RPTOR: variants seen among roughly 807,000 people sequenced by gnomAD.
The protein encoded by RPTOR is regulatory associated protein of MTOR complex 1, also known as regulatory-associated protein of mTOR.
RPTOR carries 21 observed loss-of-function variants against 169.9 expected under a neutral mutation model. The observed-to-expected ratio is 0.12, with a 90% confidence interval of 0.09 to 0.18. The LOEUF (loss-of-function observed/expected upper bound fraction) is 0.18, where lower values mean the gene tolerates loss of function less well. Ranked by LOEUF, RPTOR falls within the 10% of genes least tolerant of loss-of-function variation. RPTOR has a pLI of 1.00. For missense variants in RPTOR, 1,133 were observed against 1,855.9 expected, an observed-to-expected ratio of 0.61 and a Z score of 7.16; for synonymous variants, 732 against 753.2, an observed-to-expected ratio of 0.97 and a Z score of 0.46.
intron 2 of RPTOR, 69 bp from the exon 3 acceptor site, chr17:80,643,659 T>G (rs2065570501): frequency 6.0e-6 from 7 of 1,166,340 alleles, no homozygotes; most frequent in Non-Finnish European, 8.8e-6. Flanking sequence ...GGAGAAACTG[T>G]GGAAGAGAGG....
At chr17:80,962,280 C>T (rs931775712) in intron 31 of RPTOR, among the ~76,000 whole-genome samples, 181 bp from the exon 32 acceptor site, 1 of 152,224 alleles carries the variant, frequency 6.6e-6, no homozygotes, top group Admixed American at 6.5e-5. Flanking sequence ...AGTATGGGTG[C>T]ATGTCTGGGC....
At chr17:80,713,510 A>C (rs2066214016) in intron 4 of RPTOR, among the ~76,000 whole-genome samples, 1 of 152,142 alleles carries the variant, frequency 6.6e-6, no homozygotes, top group Non-Finnish European at 1.5e-5. Context: ...CTTTTTCACA[A>C]GTTTTTGTCA....
intron 3 of RPTOR, among the ~76,000 whole-genome samples, chr17:80,685,650 T>TTTA (rs1567856833): frequency 2.8e-4 from 26 of 93,222 alleles, no homozygotes; most frequent in East Asian, 1.5e-3. Flanking sequence ...TTTTTTTTTT[T>TTTA]TTTTTTTGCT....
chr17:80,690,178 T>C (rs2065978688), intron 3 of RPTOR, among the ~76,000 whole-genome samples: 1 of 152,188 alleles, frequency 6.6e-6, no homozygotes, highest in Admixed American at 6.6e-5. Context: ...AGCTGCCAGT[T>C]CCAGTCTCCT....
At chr17:80,656,147 C>T (rs1015531929) in intron 3 of RPTOR, among the ~76,000 whole-genome samples, 17 of 152,266 alleles carry the variant, frequency 1.1e-4, no homozygotes, top group East Asian at 5.8e-4. Context: ...CTCGGCTCAC[C>T]GCAACCTCTG....
rs747448542 is a variant in RPTOR, at chr17:80,962,590, C to T, written c.3809+13C>T. 3.1e-6 allele frequency: 5 copies of T among 1,605,070 alleles called. No homozygotes were observed. The South Asian group carries it at 4.4e-5, about 14-fold the overall frequency. ...ACCTGATCGCATGGTAGGCGCCACCCACCTCCCTGGCCTGCACCGCTCACC... is the reference window on the plus strand; with the variant it reads ...ACCTGATCGCATGGTAGGCGCCACCTACCTCCCTGGCCTGCACCGCTCACC... On this transcript the variant is annotated intron_variant, in intron 32 of 33. Transcript: ENST00000306801.
chr17:80,911,314 G>A (rs1259391704), intron 21 of RPTOR, among the ~76,000 whole-genome samples: 2 of 152,150 alleles, frequency 1.3e-5, no homozygotes, highest in Non-Finnish European at 2.9e-5. Flanking sequence ...CCAGCTGCAC[G>A]GGCACCTGGA....
intron 20 of RPTOR, among the ~76,000 whole-genome samples, chr17:80,908,388 T>C (rs1186769926): frequency 2.0e-5 from 3 of 152,138 alleles, no homozygotes; most frequent in African/African-American, 7.2e-5. Flanking sequence ...TGGGTCACAG[T>C]GCACAGCAGC....
chr17:80,901,934 C>T (rs547881680), intron 20 of RPTOR, among the ~76,000 whole-genome samples: 3 of 152,158 alleles, frequency 2.0e-5, no homozygotes, highest in Non-Finnish European at 4.4e-5. Flanking sequence ...TTCCTTTGAT[C>T]GCTGATGGAG....
At chr17:80,683,093 G>C (rs2065910710) in intron 3 of RPTOR, among the ~76,000 whole-genome samples, 1 of 152,304 alleles carries the variant, frequency 6.6e-6, no homozygotes, top group East Asian at 1.9e-4. Flanking sequence ...CGAGCCAAGC[G>C]CTCAGCTGAT....
In RPTOR at chr17:80,596,407, A is replaced by G. The variant is rs143912155; in HGVS notation, c.163-29284A>G. On this transcript the variant is annotated intron_variant, in intron 1 of 33. Transcript: ENST00000306801. ...CCTAATCGTTCAAAGGATAGTGGGC[A>G]CTATTAGGTTCGACTTTTTTTTTTA... 4.1e-3 allele frequency among the ~76,000 whole-genome samples: 625 copies of G among 152,148 alleles called. 5 individuals are homozygous for G. The highest frequency in any genetic ancestry group is 0.014 in the African/African-American group (592 of 41,492).
intron 3 of RPTOR, among the ~76,000 whole-genome samples, chr17:80,697,624 G>T (rs980626237): frequency 6.6e-6 from 1 of 152,206 alleles, no homozygotes; most frequent in African/African-American, 2.4e-5. Context: ...AGGGACTTGG[G>T]AACGTCTGGG....
chr17:80,734,958 G>C (rs1003764749), intron 5 of RPTOR, among the ~76,000 whole-genome samples: 1 of 152,176 alleles, frequency 6.6e-6, no homozygotes, highest in African/African-American at 2.4e-5. Flanking sequence ...GTCTGTGTGT[G>C]GGTTATATGC....
chr17:80,587,099 G>T (rs982264774), intron 1 of RPTOR, among the ~76,000 whole-genome samples: 2 of 152,272 alleles, frequency 1.3e-5, no homozygotes, highest in Non-Finnish European at 2.9e-5. Flanking sequence ...CACGGGGCTT[G>T]TCGGGTGCAG....
At chr17:80,922,217 G>A (rs574611696) in intron 21 of RPTOR, among the ~76,000 whole-genome samples, 3 of 152,216 alleles carry the variant, frequency 2.0e-5, no homozygotes, top group Admixed American at 6.5e-5. Context: ...CACATCGCCC[G>A]GCTCCGGAAA....
In RPTOR at chr17:80,959,972, A is replaced by T. The variant is rs2144096503; in HGVS notation, c.3478-106A>T. 1 of 1,406,002 alleles carries T rather than the reference A, an allele frequency of 7.1e-7. No individual in the cohort carries two copies. Among genetic ancestry groups the T allele is most frequent in the Non-Finnish European group, 9.8e-7 (1 of 1,016,036 alleles). The allele number at this position is 1,406,002 out of a possible 1,614,324, so 87.1% of individuals were successfully genotyped here. On this transcript the variant is annotated intron_variant, in intron 29 of 33. Coordinates refer to ENST00000306801, the MANE Select transcript of RPTOR (RefSeq NM_020761.3). The surrounding 1 kb of genome is among the most constrained non-coding windows in gnomAD (Gnocchi z 6.7). The stretch of plus-strand genomic sequence containing the variant: ...AAGGCCCCTGCAGCCAGGGAGGGTG[A>T]TCCCCACAGCCAGGCAGGCAGCAAG...
chr17:80,893,047 C>T (rs1402050104), intron 19 of RPTOR, among the ~76,000 whole-genome samples, 178 bp downstream of exon 19: 2 of 152,228 alleles, frequency 1.3e-5, no homozygotes, highest in African/African-American at 4.8e-5. Context: ...GGCAAGGAGG[C>T]GTAGGCCAGC....
In RPTOR at chr17:80,846,598, G is replaced by A. The variant is rs368629417; in HGVS notation, c.1314+24G>A. Reference sequence around the variant, plus strand: ...AGGTGAGTTTCTTCAGACCGGGCCAGACAGCCGAGGTTCCTCAGGAAGGAA... The same window carrying A: ...AGGTGAGTTTCTTCAGACCGGGCCAAACAGCCGAGGTTCCTCAGGAAGGAA... On this transcript the variant is annotated intron_variant, in intron 11 of 33. Coordinates refer to ENST00000306801, the MANE Select transcript of RPTOR (RefSeq NM_020761.3). The A allele has an allele frequency of 6.2e-6, 10 of 1,604,418 alleles. No homozygotes were observed. In the African/African-American group the frequency reaches 1.2e-4, roughly 19 times the overall value.
Position 80,651,003 on chromosome 17 carries a change from C to A in RPTOR, c.348+7193C>A, listed in dbSNP as rs2065634937. On this transcript the variant is annotated intron_variant, in intron 3 of 33. Transcript: ENST00000306801. The surrounding 1 kb of genome is among the most constrained non-coding windows in gnomAD (Gnocchi z 4.1). ...ATGTTCCCTTTAACAAGGGAGTTGT[C>A]TGTGTGTATGACAAATTGCAAATGA... 6.6e-6 allele frequency among the ~76,000 whole-genome samples: 1 copy of A among 152,198 alleles called. No individual in the cohort carries two copies. The highest frequency in any genetic ancestry group is 6.5e-5 in the Admixed American group (1 of 15,276).
Sources: allele counts gnomAD v4.1 joint callset (sites outside exome capture counted in the v4.1 genomes callset), GRCh38; gene constraint gnomAD v4.1.1; non-coding constraint Gnocchi (gnomAD v3.1); transcripts MANE v1.5; gene names NCBI Gene and HGNC (gene_info 2026-07-23, HGNC 2026-07-21).